MYOF: variants seen among roughly 807,000 people sequenced by gnomAD.
MYOF encodes the protein myoferlin.
MYOF carries 244 observed loss-of-function variants against 284.2 expected under a neutral mutation model. The observed-to-expected ratio is 0.86, with a 90% CI of 0.77 to 0.95. MYOF has a LOEUF of 0.95. Among genes scored for constraint, MYOF ranks in the 40% least tolerant of loss-of-function variants. The pLI is 0.00. For synonymous variants in MYOF, 904 were observed against 919.7 expected, an observed-to-expected ratio of 0.98 and a Z score of 0.31; for missense variants, 2,496 against 2,560.6, an observed-to-expected ratio of 0.97 and a Z score of 0.54.
intron 3 of MYOF, among the ~76,000 whole-genome samples, chr10:93,446,763 A>G (rs919551163): frequency 6.7e-6 from 1 of 150,162 alleles, no homozygotes; most frequent in African/African-American, 2.5e-5. Flanking sequence ...CTCCGTCACC[A>G]GGGCTGGAGC....
At position 93,306,836 on chromosome 10, in the gene MYOF, G is replaced by C. The variant is rs923012466; in HGVS notation, c.*127C>G. 7 of 967,368 alleles carry C rather than the reference G, an allele frequency of 7.2e-6. No individual in the cohort carries two copies. The African/African-American group carries it at 1.0e-4, about 14-fold the overall frequency. 59.9% of individuals were successfully genotyped at this position (967,368 alleles called of 1,614,324 possible). ...CTAAGACCCTCTGGGAATCAATGGG[G>C]CTCGGTGACATGGCGTAACCTGCTA... On this transcript the variant is annotated 3_prime_UTR_variant, in exon 54 of 54. Transcript: ENST00000359263.
Position 93,306,985 on chromosome 10 carries a change from TTCA to T in MYOF, c.6161_6163del (p.Met2054del). ...TTGTTACACATTTGGCTTTACAATC[TTCA>T]TTGACAAATAGTTCTGGAAAGGAAA... On this transcript the variant is annotated inframe_deletion, in exon 54 of 54. Coordinates refer to ENST00000359263, the MANE Select transcript of MYOF (RefSeq NM_013451.4). The T allele has an allele frequency of 6.2e-7, 1 of 1,613,160 alleles. No homozygotes were observed. The highest frequency in any genetic ancestry group is 8.5e-7 in the Non-Finnish European group (1 of 1,179,422).
chr10:93,332,363 C>G (rs1843352625), intron 43 of MYOF, among the ~76,000 whole-genome samples: 1 of 151,890 alleles, frequency 6.6e-6, no homozygotes, highest in East Asian at 2.0e-4. Context: ...GCTGGGATTA[C>G]AGGTACACAC....
At chr10:93,376,553 T>C (rs1845844436) in intron 22 of MYOF, among the ~76,000 whole-genome samples, 1 of 152,200 alleles carries the variant, frequency 6.6e-6, no homozygotes. Context: ...TTCAATTACC[T>C]GGCTTTACCA....
intron 24 of MYOF, among the ~76,000 whole-genome samples, chr10:93,370,557 C>G (rs1845542118): frequency 6.6e-6 from 1 of 151,984 alleles, no homozygotes; most frequent in Non-Finnish European, 1.5e-5. Context: ...TCAAACGACC[C>G]ACCCACCTCA....
intron 7 of MYOF, among the ~76,000 whole-genome samples, chr10:93,408,341 G>A (rs956788383): frequency 1.2e-4 from 19 of 152,018 alleles, no homozygotes; most frequent in African/African-American, 3.6e-4. Context: ...TCAGGAGTTC[G>A]AGACCAGACT....
intron 45 of MYOF, among the ~76,000 whole-genome samples, chr10:93,326,987 T>C (rs1843076365): frequency 6.6e-6 from 1 of 152,080 alleles, no homozygotes; most frequent in Admixed American, 6.5e-5. Flanking sequence ...CATGAAGAGG[T>C]GGGGTCTGTG....
chr10:93,461,396 T>C (rs551841905), intron 1 of MYOF, among the ~76,000 whole-genome samples: 11 of 152,046 alleles, frequency 7.2e-5, no homozygotes, highest in African/African-American at 2.7e-4. Context: ...GGGGGTCTAG[T>C]GGGGAGAGGA....
At chr10:93,391,282 T>C (rs909594046) in intron 17 of MYOF, among the ~76,000 whole-genome samples, 1 of 152,190 alleles carries the variant, frequency 6.6e-6, no homozygotes, top group Admixed American at 6.5e-5. Flanking sequence ...CATCTTAGTA[T>C]AGTCTCCTGG....
chr10:93,435,239 C>T (rs898848404), intron 3 of MYOF, among the ~76,000 whole-genome samples: 14 of 152,268 alleles, frequency 9.2e-5, no homozygotes, highest in African/African-American at 2.9e-4. Context: ...CATCAATAAA[C>T]AAATCTTAGA....
At chr10:93,379,193 G>C (rs1001493029) in intron 21 of MYOF, among the ~76,000 whole-genome samples, 8 of 152,136 alleles carry the variant, frequency 5.3e-5, no homozygotes, top group African/African-American at 1.9e-4. Flanking sequence ...TCTGCAGCAA[G>C]AGTGGAATGT....
intron 27 of MYOF, among the ~76,000 whole-genome samples, chr10:93,362,767 C>T (rs1845135727): frequency 6.6e-6 from 1 of 152,050 alleles, no homozygotes; most frequent in African/African-American, 2.4e-5. Context: ...TAACAGGATA[C>T]CACTTATTCA....
chr10:93,397,677 AG>A, intron 13 of MYOF, among the ~76,000 whole-genome samples: 1 of 151,670 alleles, frequency 6.6e-6, no homozygotes, highest in East Asian at 1.9e-4. Context: ...TTTTTTAATT[AG>A]TTTTCAATTG....
chr10:93,478,840 A>AGAAAGAAAGAAAG lies in MYOF; in HGVS notation c.88+3266_88+3267insCTTTCTTTCTTTC, dbSNP rs1554875967. On this transcript the variant is annotated intron_variant, in intron 1 of 53. Coordinates refer to ENST00000359263, the MANE Select transcript of MYOF (RefSeq NM_013451.4). ...GAAACAGTCTCAAAAAAAAAAAAAA[A>AGAAAGAAAGAAAG]AAAGAAAGAAAGAAAGAAAGGGTTT... 6.3e-3 allele frequency among the ~76,000 whole-genome samples: 492 copies of AGAAAGAAAGAAAG among 78,058 alleles called. 52 individuals are homozygous for AGAAAGAAAGAAAG. Among genetic ancestry groups the AGAAAGAAAGAAAG allele is most frequent in the African/African-American group, 0.013 (254 of 19,518 alleles). The allele number at this position is 78,058 out of a possible 152,430, so 51.2% of individuals were successfully genotyped here.
intron 50 of MYOF, among the ~76,000 whole-genome samples, chr10:93,315,057 C>T (rs1244930472): frequency 1.3e-5 from 2 of 151,972 alleles, no homozygotes; most frequent in Admixed American, 1.3e-4. Flanking sequence ...TCTCAACAAA[C>T]AAAGCCAAGG....
intron 36 of MYOF, among the ~76,000 whole-genome samples, chr10:93,349,114 T>G (rs528211559): frequency 8.5e-5 from 13 of 152,184 alleles, no homozygotes; most frequent in Non-Finnish European, 1.9e-4. Flanking sequence ...AGAAACTGTC[T>G]TTATGTCACC....
In MYOF at chr10:93,482,220, T is replaced by C. The variant is rs1487132005; in HGVS notation, c.-26A>G. 1.9e-6 allele frequency: 3 copies of C among 1,601,778 alleles called. No homozygotes were observed. In the African/African-American group the frequency reaches 4.0e-5, roughly 22 times the overall value. On this transcript the variant is annotated 5_prime_UTR_variant, in exon 1 of 54. Coordinates refer to ENST00000359263, the MANE Select transcript of MYOF (RefSeq NM_013451.4). ...GGTTCTTAGCTGGTAGAAAGCAAGT[T>C]TCAGCAAACGAAGTGGAGACTAGGG...
intron 38 of MYOF, among the ~76,000 whole-genome samples, chr10:93,342,462 C>T (rs1414870610): frequency 4.6e-5 from 7 of 152,116 alleles, no homozygotes; most frequent in African/African-American, 1.7e-4. Context: ...GTTAGGAGAG[C>T]GAGCTGATTA....
At chr10:93,355,798 C>A (rs1392536776) in intron 30 of MYOF, 62 bp from the exon 31 acceptor site, 1 of 1,232,102 alleles carries the variant, frequency 8.1e-7, no homozygotes, top group Non-Finnish European at 1.2e-6. Flanking sequence ...AAAAGCAAAT[C>A]AACCAACCAA....
Sources: gnomAD v4.1 joint callset for allele counts (sites outside exome capture counted in the v4.1 genomes callset) on GRCh38, gnomAD v4.1.1 for gene constraint, MANE v1.5 for transcripts, NCBI Gene and HGNC (gene_info 2026-07-23, HGNC 2026-07-21) for gene names.